Variants in RAD50 observed in about 807,000 individuals in gnomAD.
RAD50 encodes RAD50 double strand break repair protein, also known as DNA repair protein RAD50.
RAD50 carries 132 observed loss-of-function variants against 168.8 expected under a neutral mutation model. That is an observed-to-expected ratio of 0.78 (90% CI 0.68 to 0.90). The LOEUF (loss-of-function observed/expected upper bound fraction) is 0.90. Ranked by LOEUF, RAD50 falls within the 40% of genes least tolerant of loss-of-function variation. The pLI is 0.00. For synonymous variants in RAD50, 525 were observed against 497.4 expected, an observed-to-expected ratio of 1.06 and a Z score of -0.74; for missense variants, 1,347 against 1,534.4, an observed-to-expected ratio of 0.88 and a Z score of 2.04.
chr5:132,627,623 T>C (rs1235849935), intron 21 of RAD50, among the ~76,000 whole-genome samples: 1 of 152,154 alleles, frequency 6.6e-6, no homozygotes, highest in East Asian at 1.9e-4. Flanking sequence ...AAGGCAAGCA[T>C]GGGTGGAATA....
intron 21 of RAD50, among the ~76,000 whole-genome samples, chr5:132,633,182 T>C (rs1356162433): frequency 6.7e-6 from 1 of 150,008 alleles, no homozygotes; most frequent in Non-Finnish European, 1.5e-5. Context: ...CTTACTTCCT[T>C]CCGCCTCCAT....
intron 21 of RAD50, among the ~76,000 whole-genome samples, chr5:132,634,063 A>C (rs1476940194): frequency 6.6e-6 from 1 of 152,034 alleles, no homozygotes; most frequent in Non-Finnish European, 1.5e-5. Flanking sequence ...TATCTCTTCT[A>C]TATGAACTTT....
chr5:132,594,516 A>G (rs1253821347), intron 11 of RAD50, among the ~76,000 whole-genome samples: 2 of 152,206 alleles, frequency 1.3e-5, no homozygotes, highest in Non-Finnish European at 2.9e-5. Flanking sequence ...TGAAAGGACT[A>G]AAGGGAATTA....
At chr5:132,619,783 C>CCTCTCTCTCTCTCTCTCTCT (rs550575815) in intron 21 of RAD50, among the ~76,000 whole-genome samples, 8 of 125,734 alleles carry the variant, frequency 6.4e-5, no homozygotes, top group African/African-American at 2.5e-4. Context: ...CTTCCCTACT[C>CCTCTCTCTCTCTCTCTCTCT]CTCTCTCTCT....
chr5:132,619,783 C>CCTCTCTCT (rs550575815), intron 21 of RAD50, among the ~76,000 whole-genome samples: 43 of 125,718 alleles, frequency 3.4e-4, no homozygotes, highest in African/African-American at 1.1e-3. Context: ...CTTCCCTACT[C>CCTCTCTCT]CTCTCTCTCT....
rs748619361 is a variant in RAD50 at position 132,591,979 on chromosome 5, C to T, written c.1738C>T (p.Leu580=). The change falls in exon 11 of 25, where the codon CTA becomes TTA. Residue 580 remains leucine (L), a synonymous_variant. Transcript: ENST00000378823. ...FPNKKQLEDW[L]HSKSKEINQT... is the part of the protein sequence containing the mutation. ...CAACAAAAAACAGCTTGAAGACTGG[C>T]TACATAGTAAATCAAAAGAAATTAA... 1.9e-6 allele frequency: 3 copies of T among 1,612,866 alleles called. No individual in the cohort carries two copies. The South Asian group carries it at 3.3e-5, about 18-fold the overall frequency.
In RAD50 at chr5:132,638,153, A is replaced by G. The variant is rs768280780; in HGVS notation, c.3548A>G (p.Asn1183Ser). ...VSASDKRRNY[N>S]YRVVMLKGDT... ...GCTTCTGATAAAAGGCGGAATTATA[A>G]CTACCGAGTGGTGATGCTGAAGGGA... The change falls in exon 23 of 25, where the codon AAC becomes AGC. Residue 1183 changes from asparagine (N) to serine (S), a missense_variant. Asn to Ser is a conservative substitution (Grantham distance 46). Transcript: ENST00000378823. 1 of 1,614,216 alleles carries G rather than the reference A, an allele frequency of 6.2e-7. No individual in the cohort carries two copies. The highest frequency in any genetic ancestry group is 8.5e-7 in the Non-Finnish European group (1 of 1,180,022).
At chr5:132,634,244 A>G (rs937560327) in intron 21 of RAD50, among the ~76,000 whole-genome samples, 5 of 152,014 alleles carry the variant, frequency 3.3e-5, no homozygotes, top group Non-Finnish European at 5.9e-5. Flanking sequence ...CTTTTATCCT[A>G]TTGTAAAGTT....
rs79229143 is a variant in RAD50, at chr5:132,643,725, T to TGGGGGGGGGGGGG, written c.*1370_*1371insGGGGGGGGGGGGG. The stretch of plus-strand genomic sequence containing the variant: ...GAGTATCCTGGGGGTGGTGGTGGGG[T>TGGGGGGGGGGGGG]GGGGGGGGGTCCTAAATGTAATCAC... On this transcript the variant is annotated 3_prime_UTR_variant, in exon 25 of 25. Transcript: ENST00000378823. 2 of 99,388 alleles carry TGGGGGGGGGGGGG rather than the reference T, an allele frequency of 2.0e-5. No homozygotes were observed. The highest frequency in any genetic ancestry group is 3.9e-5 in the Non-Finnish European group (2 of 51,878). 6.2% of individuals were successfully genotyped at this position (99,388 alleles called of 1,614,324 possible). A position where few individuals can be genotyped will look rare whatever the true frequency, so the allele number is the denominator to read the frequency against.
intron 13 of RAD50, among the ~76,000 whole-genome samples, chr5:132,596,977 G>T (rs1459492782): frequency 6.6e-6 from 1 of 152,168 alleles, no homozygotes; most frequent in African/African-American, 2.4e-5. Flanking sequence ...CTGGAGTTTG[G>T]GGAATTATTT....
In RAD50 at chr5:132,587,625, G is replaced by C; in HGVS notation, c.820G>C (p.Ala274Pro). 6.2e-7 allele frequency: 1 copy of C among 1,613,778 alleles called. No homozygotes were observed. Among genetic ancestry groups the C allele is most frequent in the Non-Finnish European group, 8.5e-7 (1 of 1,179,864 alleles). The change falls in exon 6 of 25, where the codon GCC becomes CCC. Residue 274 changes from alanine to proline, a missense_variant. By Grantham distance (27) the Ala-to-Pro change is conservative. Around this residue, in one of 3 missense-constraint regions of RAD50, gnomAD observed 703 missense variants for 767.7 expected, o/e 0.92. Coordinates refer to ENST00000378823, the MANE Select transcript of RAD50 (RefSeq NM_005732.4). ...KIMKLDNEIK[A>P]LDSRKKQMEK... ...AATGAAACTTGACAATGAAATTAAAGCCTTGGATAGCCGAAAGAAGCAAAT... is the reference window on the plus strand; with the variant it reads ...AATGAAACTTGACAATGAAATTAAACCCTTGGATAGCCGAAAGAAGCAAAT...
rs967835260 is a variant in RAD50, at chr5:132,557,085, C to T, written c.-240C>T. On this transcript the variant is annotated 5_prime_UTR_variant, in exon 1 of 25. Transcript: ENST00000378823. ...GCGGGCAGCCCCAGGCTGGTCCCCG[C>T]CTCCGCTCTCCCCACCGGCGGGGAA... 18 of 667,218 alleles carry T rather than the reference C, an allele frequency of 2.7e-5. No individual in the cohort carries two copies. In the Admixed American group the frequency reaches 4.4e-4, roughly 16 times the overall value. The allele number at this position is 667,218 out of a possible 1,614,324, so 41.3% of individuals were successfully genotyped here. A position where few individuals can be genotyped will look rare whatever the true frequency, so the allele number is the denominator to read the frequency against.
At chr5:132,611,995 C>CT (rs907677507) in intron 19 of RAD50, among the ~76,000 whole-genome samples, 4 of 152,178 alleles carry the variant, frequency 2.6e-5, no homozygotes, top group Admixed American at 1.3e-4. Flanking sequence ...TGTAAATCGT[C>CT]TGAGTTTTTC....
At chr5:132,557,856 A>T (rs1354427950) in intron 1 of RAD50, among the ~76,000 whole-genome samples, 1 of 152,266 alleles carries the variant, frequency 6.6e-6, no homozygotes, top group Non-Finnish European at 1.5e-5. Context: ...TGATACATAC[A>T]TGACTAAAGA....
intron 5 of RAD50, among the ~76,000 whole-genome samples, chr5:132,582,343 C>T (rs765327317): frequency 3.3e-5 from 5 of 152,180 alleles, no homozygotes; most frequent in Non-Finnish European, 5.9e-5. Flanking sequence ...AGAGCCTAGC[C>T]TAGTGCCTGG....
intron 20 of RAD50, 68 bp from the exon 21 acceptor site, chr5:132,618,002 T>A (rs1751206199): frequency 7.9e-7 from 1 of 1,267,318 alleles, no homozygotes; most frequent in Non-Finnish European, 1.2e-6. Flanking sequence ...AAGAAATCTA[T>A]GACTTTTCCA....
intron 16 of RAD50, among the ~76,000 whole-genome samples, chr5:132,606,685 A>G (rs184062588): frequency 9.8e-5 from 15 of 152,362 alleles, no homozygotes; most frequent in African/African-American, 3.4e-4. Context: ...ATTTCAGGCC[A>G]ATATCCCTGA....
chr5:132,615,097 A>G (rs1485830541), intron 19 of RAD50, among the ~76,000 whole-genome samples: 1 of 152,156 alleles, frequency 6.6e-6, no homozygotes, highest in African/African-American at 2.4e-5. Flanking sequence ...TTCTATACAC[A>G]TGATTTGTGG....
chr5:132,636,310 CTTTGT>C (rs1211493585), intron 21 of RAD50, among the ~76,000 whole-genome samples: 13 of 152,264 alleles, frequency 8.5e-5, no homozygotes, highest in African/African-American at 2.9e-4. Context: ...CATTTCTCCT[CTTTGT>C]TTTTAGTGTT....
Sources: allele counts gnomAD v4.1 joint callset (sites outside exome capture counted in the v4.1 genomes callset), GRCh38; gene constraint gnomAD v4.1.1; regional missense constraint gnomAD v4.1.1; transcripts MANE v1.5; gene names NCBI Gene and HGNC (gene_info 2026-07-23, HGNC 2026-07-21).